Variants in PCMTD1 observed in about 807,000 individuals in gnomAD.
PCMTD1 encodes the protein protein-L-isoaspartate O-methyltransferase domain-containing protein 1.
Under a neutral mutation model 37.6 loss-of-function variants are expected in PCMTD1, and 12 were observed. The ratio of observed to expected loss-of-function variants is 0.32; its 90% CI spans 0.20 to 0.52. The LOEUF is 0.52. PCMTD1 is among the 20% of genes least tolerant of loss of function. PCMTD1 has a pLI of 0.97. For missense variants in PCMTD1, 235 were observed against 421.3 expected (o/e 0.56, Z 3.87); for synonymous variants, 117 against 135.8 (o/e 0.86, Z 0.96).
Position 51,819,423 on chromosome 8 carries a change from G to A in PCMTD1, c.*928C>T, listed in dbSNP as rs2037811684. On this transcript the variant is annotated 3_prime_UTR_variant, in exon 6 of 6. Coordinates refer to ENST00000522514, the MANE Select transcript of PCMTD1 (RefSeq NM_052937.4). ...CGCTGACCAGGTCTACCCTGGCCCT[G>A]CTACTTACAGCCATCCAAGAAAGTG... is the stretch of plus-strand genomic sequence containing the variant. 2 of 152,138 alleles carry A rather than the reference G, an allele frequency of 1.3e-5. No individual in the cohort carries two copies. Among genetic ancestry groups the A allele is most frequent in the South Asian group, 4.1e-4 (2 of 4,824 alleles). The allele number at this position is 152,138 out of a possible 1,614,324, so 9.4% of individuals were successfully genotyped here.
At chr8:51,869,947 T>C (rs979753921) in intron 1 of PCMTD1, among the ~76,000 whole-genome samples, 2 of 152,174 alleles carry the variant, frequency 1.3e-5, no homozygotes, top group Non-Finnish European at 2.9e-5. Context: ...TATTCCAAAA[T>C]TTAGAATTGT....
intron 1 of PCMTD1, among the ~76,000 whole-genome samples, chr8:51,867,907 G>A (rs2038581377): frequency 6.6e-6 from 1 of 152,086 alleles, no homozygotes; most frequent in South Asian, 2.1e-4. Flanking sequence ...TTACAGAATG[G>A]TGACTATAAT....
intron 5 of PCMTD1, chr8:51,826,943 T>C (rs960544576): frequency 4.8e-5 from 43 of 895,030 alleles, no homozygotes; most frequent in Admixed American, 6.2e-5. Flanking sequence ...CTTTAGTAAG[T>C]TGTTTAATAT....
chr8:51,885,842 CAGA>C (rs1195552448), intron 1 of PCMTD1, among the ~76,000 whole-genome samples: 1 of 152,066 alleles, frequency 6.6e-6, no homozygotes, highest in African/African-American at 2.4e-5. Context: ...TGTGCTGGGT[CAGA>C]AGGTTATATG....
chr8:51,884,886 G>A (rs2038843179), intron 1 of PCMTD1, among the ~76,000 whole-genome samples: 2 of 152,142 alleles, frequency 1.3e-5, no homozygotes, highest in Admixed American at 6.5e-5. Flanking sequence ...CCTGGGATGG[G>A]CCTCTTCTTT....
intron 1 of PCMTD1, among the ~76,000 whole-genome samples, chr8:51,869,748 A>G (rs1404134357): frequency 6.6e-6 from 1 of 152,184 alleles, no homozygotes; most frequent in Non-Finnish European, 1.5e-5. Flanking sequence ...AGGTTCAACA[A>G]CTTAAGCAGT....
chr8:51,899,131 C>T (rs1425223668), upstream of PCMTD1: 2 of 1,394,142 alleles, frequency 1.4e-6, no homozygotes, highest in South Asian at 1.5e-5. Context: ...ACCACGGGCA[C>T]AGGGGCAGCT....
At chr8:51,852,030 A>T (rs1284061116) in intron 2 of PCMTD1, among the ~76,000 whole-genome samples, 1 of 152,200 alleles carries the variant, frequency 6.6e-6, no homozygotes, top group Non-Finnish European at 1.5e-5. Context: ...CTATTTGTGA[A>T]GTACTTGAAG....
chr8:51,857,019 T>A (rs965690393), intron 2 of PCMTD1, among the ~76,000 whole-genome samples: 3 of 152,190 alleles, frequency 2.0e-5, no homozygotes, highest in Non-Finnish European at 2.9e-5. Context: ...AGAACATGCA[T>A]AAGCATGCAG....
chr8:51,897,560 A>G (rs1250467109), intron 1 of PCMTD1, among the ~76,000 whole-genome samples: 2 of 152,238 alleles, frequency 1.3e-5, no homozygotes, highest in African/African-American at 4.8e-5. Context: ...CAGCAACTTT[A>G]TGTTTTATGG....
At chr8:51,854,599 C>A (rs2038355675) in intron 2 of PCMTD1, among the ~76,000 whole-genome samples, 1 of 152,180 alleles carries the variant, frequency 6.6e-6, no homozygotes, top group African/African-American at 2.4e-5. Flanking sequence ...AATGGATGGG[C>A]CAGGCGCAGT....
chr8:51,876,396 A>AC (rs1266710631), intron 1 of PCMTD1, among the ~76,000 whole-genome samples: 205 of 28,296 alleles, frequency 7.2e-3, no homozygotes, highest in African/African-American at 8.0e-3. Context: ...ACACACACAC[A>AC]AAAAAAAATA....
At chr8:51,862,712 C>A (rs1380668157) in intron 1 of PCMTD1, among the ~76,000 whole-genome samples, 1 of 152,142 alleles carries the variant, frequency 6.6e-6, no homozygotes, top group Non-Finnish European at 1.5e-5. Flanking sequence ...GAGGGCAGCT[C>A]CCCTAACACA....
chr8:51,876,443 C>G (rs1169185820), intron 1 of PCMTD1, among the ~76,000 whole-genome samples: 1 of 152,034 alleles, frequency 6.6e-6, no homozygotes, highest in African/African-American at 2.4e-5. Context: ...CATATTTTTC[C>G]TTGCTTATGA....
chr8:51,857,846 A>G (rs2038413910), intron 2 of PCMTD1, among the ~76,000 whole-genome samples: 1 of 152,130 alleles, frequency 6.6e-6, no homozygotes, highest in East Asian at 1.9e-4. Flanking sequence ...AAAACTCAAT[A>G]CAAAAATTAA....
At chr8:51,876,596 T>A (rs761537329) in intron 1 of PCMTD1, among the ~76,000 whole-genome samples, 2 of 152,120 alleles carry the variant, frequency 1.3e-5, no homozygotes, top group African/African-American at 4.8e-5. Context: ...GACTCTAAAA[T>A]TCAGGCAGGG....
intron 1 of PCMTD1, among the ~76,000 whole-genome samples, chr8:51,894,530 A>G: frequency 6.6e-6 from 1 of 152,314 alleles, no homozygotes; most frequent in East Asian, 1.9e-4. Context: ...TCACCTGTAG[A>G]ATGGGGATAA....
chr8:51,875,896 C>T (rs145207497), intron 1 of PCMTD1, among the ~76,000 whole-genome samples: 174 of 152,302 alleles, frequency 1.1e-3, no homozygotes, highest in East Asian at 3.5e-3. Flanking sequence ...TGCACCACTG[C>T]ACTCCAACAT....
At chr8:51,872,259 T>C (rs1057311808) in intron 1 of PCMTD1, among the ~76,000 whole-genome samples, 1 of 152,132 alleles carries the variant, frequency 6.6e-6, no homozygotes, top group African/African-American at 2.4e-5. Flanking sequence ...TTACCACACG[T>C]ATCTCCCTAA....
Sources: allele counts gnomAD v4.1 joint callset (sites outside exome capture counted in the v4.1 genomes callset), GRCh38; gene constraint gnomAD v4.1.1; transcripts MANE v1.5; gene names NCBI Gene and HGNC (gene_info 2026-07-23, HGNC 2026-07-21).